The following TLE1 variants were observed in gnomAD, a reference collection of about 807,000 sequenced individuals.
TLE1 encodes the protein transducin-like enhancer protein 1.
TLE1 carries 21 observed loss-of-function variants against 89.8 expected under a neutral mutation model. The ratio of observed to expected loss-of-function variants is 0.23; its 90% CI spans 0.17 to 0.34. TLE1 has a LOEUF of 0.34. Ranked by LOEUF, TLE1 falls within the 10% of genes least tolerant of loss-of-function variation. The pLI, the probability that TLE1 is intolerant of heterozygous loss-of-function variation, is 1.00. For synonymous variants in TLE1, 447 were observed against 407.6 expected (o/e 1.10, Z -1.16); for missense variants, 795 against 1,031.2 (o/e 0.77, Z 3.14).
At chr9:81,643,996 A>T (rs11139355) in intron 6 of TLE1, among the ~76,000 whole-genome samples, 55,165 of 152,050 alleles carry the variant, frequency 0.36, 10,214 homozygotes, top group Middle Eastern at 0.4. Context: ...GATTGAAAAG[A>T]TGTTCAACAT....
In TLE1 at chr9:81,617,807, C is replaced by T. The variant is rs1004286348; in HGVS notation, c.712-1108G>A. Among the ~76,000 whole-genome samples, 10 of 151,918 alleles carry T rather than the reference C, an allele frequency of 6.6e-5. 1 individual carries two copies. The highest frequency in any genetic ancestry group is 1.5e-5 in the Non-Finnish European group (1 of 68,012). On this transcript the variant is annotated intron_variant, in intron 9 of 19. Transcript: ENST00000376499. ...TTGGGAGGCCGAGGCAGGTGGATCA[C>T]GAGGTCAGGAGCTCGAGACCAGCCT...
chr9:81,666,648 G>A (rs992791327), intron 4 of TLE1, among the ~76,000 whole-genome samples: 2 of 151,778 alleles, frequency 1.3e-5, no homozygotes, highest in African/African-American at 2.4e-5. Flanking sequence ...GGTGGTGCAC[G>A]CCTGTAATCC....
chr9:81,642,954 T>C (rs148266384), intron 6 of TLE1, among the ~76,000 whole-genome samples: 15 of 152,292 alleles, frequency 9.8e-5, no homozygotes, highest in Middle Eastern at 6.8e-3. Flanking sequence ...TGCAGAACAG[T>C]AGGCTAAGCG....
chr9:81,665,615 G>A (rs1354916875), intron 4 of TLE1, among the ~76,000 whole-genome samples: 1 of 152,182 alleles, frequency 6.6e-6, no homozygotes, highest in Non-Finnish European at 1.5e-5. Context: ...GCAGGGGCCT[G>A]CATCTCCGGA....
chr9:81,652,039 T>C (rs1428512483), intron 6 of TLE1, 175 bp downstream of exon 6: 1 of 528,076 alleles, frequency 1.9e-6, no homozygotes, highest in Non-Finnish European at 3.3e-6. Flanking sequence ...TTCCTCCATA[T>C]ACCTTAGCAC....
At chr9:81,623,725 G>A (rs1177607339) in intron 8 of TLE1, among the ~76,000 whole-genome samples, 2 of 151,990 alleles carry the variant, frequency 1.3e-5, no homozygotes, top group Non-Finnish European at 2.9e-5. Context: ...GGGAGGCGGA[G>A]GTTGCAATGA....
chr9:81,585,767 G>A, intron 17 of TLE1, 112 bp from the exon 18 acceptor site: 1 of 1,372,576 alleles, frequency 7.3e-7, no homozygotes, highest in South Asian at 1.4e-5. Flanking sequence ...AATCAGCCAA[G>A]TCCAGACTGT....
At chr9:81,601,315 G>A (rs1346144492) in intron 14 of TLE1, among the ~76,000 whole-genome samples, 1 of 152,174 alleles carries the variant, frequency 6.6e-6, no homozygotes, top group African/African-American at 2.4e-5. Context: ...GTTTTCCTAT[G>A]AGGCAATTTT....
chr9:81,668,282 C>G (rs1484282386), intron 4 of TLE1, among the ~76,000 whole-genome samples: 1 of 151,980 alleles, frequency 6.6e-6, no homozygotes, highest in East Asian at 1.9e-4. Flanking sequence ...AGTTAACAGT[C>G]AAGAAGTTTT....
At chr9:81,584,964 A>AG (rs1828150189) in intron 18 of TLE1, among the ~76,000 whole-genome samples, 1 of 130,364 alleles carries the variant, frequency 7.7e-6, no homozygotes, top group African/African-American at 2.7e-5. Context: ...GCACTCATCC[A>AG]CCCATCCATC....
chr9:81,633,416 G>C, intron 7 of TLE1, 52 bp from the exon 8 acceptor site: 1 of 1,612,922 alleles, frequency 6.2e-7, no homozygotes, highest in Non-Finnish European at 8.5e-7. Flanking sequence ...CAGACACAGA[G>C]GCAAGAACAG....
At chr9:81,586,354 CACTTACA>C (rs1227436565) in intron 17 of TLE1, among the ~76,000 whole-genome samples, 1 of 152,146 alleles carries the variant, frequency 6.6e-6, no homozygotes, top group East Asian at 1.9e-4. Flanking sequence ...TCAGAGAGTG[CACTTACA>C]CACACCTAGA....
intron 14 of TLE1, among the ~76,000 whole-genome samples, chr9:81,606,961 T>G (rs1163150836): frequency 6.6e-6 from 1 of 151,448 alleles, no homozygotes; most frequent in Non-Finnish European, 1.5e-5. Flanking sequence ...TGGTGGCTCA[T>G]GCCTGTAGTC....
chr9:81,644,929 G>A (rs553836376), intron 6 of TLE1, among the ~76,000 whole-genome samples: 14 of 148,382 alleles, frequency 9.4e-5, no homozygotes, highest in South Asian at 4.3e-4. Context: ...GGGAAGCGGA[G>A]GTTGCAGTGA....
chr9:81,648,148 T>C (rs1829092359), intron 6 of TLE1, among the ~76,000 whole-genome samples: 1 of 151,530 alleles, frequency 6.6e-6, no homozygotes, highest in South Asian at 2.1e-4. Context: ...GGTGCATGCC[T>C]GTAATCCCAG....
chr9:81,615,073 C>A (rs1824250049), intron 11 of TLE1, among the ~76,000 whole-genome samples: 1 of 84,368 alleles, frequency 1.2e-5, no homozygotes, highest in Non-Finnish European at 2.2e-5. Context: ...CAGAGTGAGA[C>A]TCCATCTCAA....
chr9:81,591,180 T>C (rs1342169645), intron 15 of TLE1, 128 bp from the exon 16 acceptor site: 1 of 1,278,446 alleles, frequency 7.8e-7, no homozygotes, highest in Non-Finnish European at 1.1e-6. Flanking sequence ...AGAGCAAGAG[T>C]TCTCTAGTCA....
chr9:81,663,016 T>G (rs1463731019), intron 4 of TLE1, among the ~76,000 whole-genome samples: 1 of 151,900 alleles, frequency 6.6e-6, no homozygotes, highest in Non-Finnish European at 1.5e-5. Context: ...TGCAGCTAAT[T>G]TTTGCATTTT....
At chr9:81,659,734 A>G (rs1012871078) in intron 4 of TLE1, among the ~76,000 whole-genome samples, 3 of 152,182 alleles carry the variant, frequency 2.0e-5, no homozygotes, top group African/African-American at 7.2e-5. Context: ...TTGGCAAACT[A>G]CTGCTAGGGG....
Sources: gnomAD v4.1 joint callset for allele counts (sites outside exome capture counted in the v4.1 genomes callset) on GRCh38, gnomAD v4.1.1 for gene constraint, MANE v1.5 for transcripts, NCBI Gene and HGNC (gene_info 2026-07-23, HGNC 2026-07-21) for gene names.